Variants in CDC42BPA observed in about 807,000 individuals in gnomAD.
The protein encoded by CDC42BPA is serine/threonine-protein kinase MRCK alpha.
Under a neutral mutation model 223.5 loss-of-function variants are expected in CDC42BPA, and 80 were observed. That is an observed-to-expected ratio of 0.36 (90% CI 0.30 to 0.43). The LOEUF is 0.43. Among genes scored for constraint, CDC42BPA ranks in the 20% least tolerant of loss-of-function variants. CDC42BPA has a pLI of 1.00. For synonymous variants in CDC42BPA, 694 were observed against 718.6 expected (o/e 0.97, Z 0.55); for missense variants, 1,743 against 2,099.9 (o/e 0.83, Z 3.32).
intron 1 of CDC42BPA, among the ~76,000 whole-genome samples, chr1:227,268,601 G>A (rs1205184619): frequency 1.7e-5 from 2 of 115,788 alleles, no homozygotes; most frequent in East Asian, 1.1e-3. Flanking sequence ...TATATATAGT[G>A]TGTGTATAGT....
intron 12 of CDC42BPA, among the ~76,000 whole-genome samples, chr1:227,118,598 T>C (rs1208696383): frequency 6.6e-6 from 1 of 152,072 alleles, no homozygotes; most frequent in Non-Finnish European, 1.5e-5. Context: ...AATCTAGCTA[T>C]CTGATTTTCA....
In CDC42BPA at chr1:227,026,108, C is replaced by A; in HGVS notation, c.4477G>T (p.Asp1493Tyr). The change falls in exon 31 of 37, where the codon GAT (aspartate) becomes TAT (tyrosine). Residue 1493 changes from aspartate to tyrosine, a missense_variant. Physicochemically the swap from Asp to Tyr is radical, Grantham distance 160. Coordinates refer to ENST00000366766, the MANE Select transcript of CDC42BPA (RefSeq NM_001394014.1). ...YLSVYSENAV[D>Y]IFDVNSMEWI... ...TCCATGGAGTTCACATCAAAGATAT[C>A]AACTGCATTTTCACTGTACACCGAG... 1 of 1,607,954 alleles carries A rather than the reference C, an allele frequency of 6.2e-7. No individual in the cohort carries two copies. The highest frequency in any genetic ancestry group is 1.1e-5 in the South Asian group (1 of 90,280).
In CDC42BPA at chr1:227,133,523, G is replaced by A. The variant is rs918471166; in HGVS notation, c.1391-4292C>T. ...AATGGCGGTTTTGTGGAATAGAAAG[G>A]GGGGAAGGGTGGGGAAAAGATTGAG... On this transcript the variant is annotated intron_variant, in intron 10 of 36. Coordinates refer to ENST00000366766, the MANE Select transcript of CDC42BPA (RefSeq NM_001394014.1). Among the ~76,000 whole-genome samples the A allele has an allele frequency of 2.6e-5, 4 of 152,258 alleles. No homozygotes were observed. The East Asian group carries it at 5.8e-4, about 22-fold the overall frequency.
chr1:227,060,093 G>A (rs560352248), intron 21 of CDC42BPA, among the ~76,000 whole-genome samples: 16 of 146,324 alleles, frequency 1.1e-4, no homozygotes, highest in African/African-American at 4.1e-4. Flanking sequence ...GTGCAGTGGC[G>A]CAATCTTGGC....
At chr1:227,131,233 A>T (rs901942341) in intron 10 of CDC42BPA, among the ~76,000 whole-genome samples, 1 of 152,166 alleles carries the variant, frequency 6.6e-6, no homozygotes, top group Non-Finnish European at 1.5e-5. Context: ...ACATCTATTC[A>T]TCTCTTCTGT....
At chr1:227,274,201 G>A (rs1686538065) in intron 1 of CDC42BPA, among the ~76,000 whole-genome samples, 1 of 151,922 alleles carries the variant, frequency 6.6e-6, no homozygotes, top group South Asian at 2.1e-4. Context: ...TGAAGGAAAG[G>A]AACCCCCCAG....
intron 5 of CDC42BPA, among the ~76,000 whole-genome samples, chr1:227,170,080 G>C (rs1665826669): frequency 6.6e-6 from 1 of 152,050 alleles, no homozygotes; most frequent in Non-Finnish European, 1.5e-5. Flanking sequence ...TGTCCCTTCA[G>C]CTTGAACCTG....
At chr1:227,016,530 A>G (rs17600725) in intron 33 of CDC42BPA, among the ~76,000 whole-genome samples, 61,873 of 151,982 alleles carry the variant, frequency 0.41, 13,028 homozygotes, top group Non-Finnish European at 0.46. Flanking sequence ...GGTCTTATAT[A>G]TAACTGTAAA....
rs79974822 is a variant in CDC42BPA, at chr1:227,192,963, G to A, written c.599+823C>T. Among the ~76,000 whole-genome samples, 388 of 151,742 alleles carry A rather than the reference G, an allele frequency of 2.6e-3. 9 individuals carry two copies. The East Asian group carries it at 0.047, about 19-fold the overall frequency. The stretch of plus-strand genomic sequence containing the variant: ...TGTAAGACTCAACTATAAGGAAACT[G>A]ACCAATGCATACTCCTTTTGAGATG... On this transcript the variant is annotated intron_variant, in intron 5 of 36. Coordinates refer to ENST00000366766, the MANE Select transcript of CDC42BPA (RefSeq NM_001394014.1).
intron 5 of CDC42BPA, among the ~76,000 whole-genome samples, chr1:227,193,388 G>A (rs1280277543): frequency 6.6e-6 from 1 of 151,730 alleles, no homozygotes; most frequent in Non-Finnish European, 1.5e-5. Flanking sequence ...AGATTTAGGG[G>A]GTACAAGTGC....
At chr1:227,114,877 G>T (rs1421456339) in intron 12 of CDC42BPA, among the ~76,000 whole-genome samples, 2 of 151,376 alleles carry the variant, frequency 1.3e-5, no homozygotes, top group Non-Finnish European at 2.9e-5. Flanking sequence ...TCTTTAAATT[G>T]TTTGTGGGAA....
At chr1:227,303,970 T>G (rs1558998773) in intron 1 of CDC42BPA, among the ~76,000 whole-genome samples, 1 of 152,240 alleles carries the variant, frequency 6.6e-6, no homozygotes, top group African/African-American at 2.4e-5. Flanking sequence ...ACTTTTACCT[T>G]GAAAAATTTG....
At chr1:227,092,768 T>A (rs888307652) in intron 15 of CDC42BPA, among the ~76,000 whole-genome samples, 1 of 152,256 alleles carries the variant, frequency 6.6e-6, no homozygotes, top group Non-Finnish European at 1.5e-5. Context: ...TTTTGTATAC[T>A]CTTAACCCAG....
At chr1:227,032,588 G>A (rs1669484374) in intron 27 of CDC42BPA, among the ~76,000 whole-genome samples, 1 of 152,056 alleles carries the variant, frequency 6.6e-6, no homozygotes, top group South Asian at 2.1e-4. Context: ...CCTTAAATCT[G>A]GGCTGACCTC....
In CDC42BPA at chr1:227,147,700, T is replaced by A. The variant is rs187892379; in HGVS notation, c.694-141A>T. 247 of 515,796 alleles carry A rather than the reference T, an allele frequency of 4.8e-4. 2 individuals are homozygous for A. The highest frequency in any genetic ancestry group is 4.1e-3 in the African/African-American group (214 of 52,032). 32.0% of individuals were successfully genotyped at this position (515,796 alleles called of 1,614,324 possible). A position where few individuals can be genotyped will look rare whatever the true frequency, so the allele number is the denominator to read the frequency against. On this transcript the variant is annotated intron_variant, in intron 6 of 36. Transcript: ENST00000366766. ...GAAAAATAATAATAATCCTTGTATATATGTTAAATTGTATATTATCCCCAC... is the reference window on the plus strand; with the variant it reads ...GAAAAATAATAATAATCCTTGTATAAATGTTAAATTGTATATTATCCCCAC...
Position 227,000,125 on chromosome 1 carries a change from TAATAATAATAAG to T in CDC42BPA, c.4975+4857_4975+4868del, listed in dbSNP as rs1206553936. Among the ~76,000 whole-genome samples the T allele has an allele frequency of 9.7e-3, 577 of 59,518 alleles. 3 individuals carry two copies. Among genetic ancestry groups the T allele is most frequent in the African/African-American group, 0.019 (395 of 21,244 alleles). The allele number at this position is 59,518 out of a possible 152,430, so 39.0% of individuals were successfully genotyped here. A position where few individuals can be genotyped will look rare whatever the true frequency, so the allele number is the denominator to read the frequency against. On this transcript the variant is annotated intron_variant, in intron 35 of 36. Transcript: ENST00000366766. ...ATAATAATAATAATAATAATAATAA[TAATAATAATAAG>T]CTCTCCTGATGATTCCAGAAGGCCC...
At chr1:227,245,052 C>A (rs77973381) in intron 2 of CDC42BPA, among the ~76,000 whole-genome samples, 1 of 152,124 alleles carries the variant, frequency 6.6e-6, no homozygotes, top group Non-Finnish European at 1.5e-5. Flanking sequence ...GGCTGAAGTG[C>A]TCTGGGGTCC....
intron 1 of CDC42BPA, among the ~76,000 whole-genome samples, chr1:227,256,071 CAA>C (rs1270621216): frequency 6.6e-6 from 1 of 152,154 alleles, no homozygotes; most frequent in Admixed American, 6.5e-5. Context: ...AAGTCAACAA[CAA>C]AAAACCCCAA....
chr1:227,033,477 G>A, intron 26 of CDC42BPA, 62 bp from the exon 27 acceptor site: 1 of 1,112,818 alleles, frequency 9.0e-7, no homozygotes, highest in Non-Finnish European at 1.4e-6. Context: ...GGTTTGGGGT[G>A]TGTATCCAAA....
Sources: allele counts gnomAD v4.1 joint callset (sites outside exome capture counted in the v4.1 genomes callset), GRCh38; gene constraint gnomAD v4.1.1; transcripts MANE v1.5; gene names NCBI Gene and HGNC (gene_info 2026-07-23, HGNC 2026-07-21).